LSAMP: variants seen among roughly 807,000 people sequenced by gnomAD.
LSAMP encodes the protein limbic system associated membrane protein.
LSAMP carries 7 observed loss-of-function variants against 38.6 expected under a neutral mutation model. The ratio of observed to expected loss-of-function variants is 0.18; its 90% CI spans 0.10 to 0.34. The LOEUF is 0.34. Among genes scored for constraint, LSAMP ranks in the 10% least tolerant of loss-of-function variants. The probability of loss-of-function intolerance (pLI) is 1.00; values close to 1 mark genes in which losing one functional copy is unlikely to be tolerated. For synonymous variants in LSAMP, 154 were observed against 166.8 expected, an observed-to-expected ratio of 0.92 and a Z score of 0.59; for missense variants, 313 against 420.0, an observed-to-expected ratio of 0.75 and a Z score of 2.23.
chr3:116,060,055 C>A (rs1941565099), intron 2 of LSAMP, among the ~76,000 whole-genome samples: 1 of 152,194 alleles, frequency 6.6e-6, no homozygotes, highest in South Asian at 2.1e-4. Context: ...TAGGAAAAGG[C>A]AAAGGCTTTC....
At chr3:116,021,394 A>G (rs1940633950) in intron 2 of LSAMP, among the ~76,000 whole-genome samples, 1 of 152,094 alleles carries the variant, frequency 6.6e-6, no homozygotes, top group African/African-American at 2.4e-5. Context: ...CTGGACTTAG[A>G]ATTCAGAGCT....
rs189584941 is a variant in LSAMP, at chr3:115,993,035, C to T, written c.514+26480G>A. 3.9e-5 allele frequency among the ~76,000 whole-genome samples: 6 copies of T among 152,210 alleles called. No individual in the cohort carries two copies. The East Asian group carries it at 9.6e-4, about 24-fold the overall frequency. On this transcript the variant is annotated intron_variant, in intron 3 of 6. Coordinates refer to ENST00000490035, the MANE Select transcript of LSAMP (RefSeq NM_002338.5). The stretch of plus-strand genomic sequence containing the variant: ...AGTTCGATATTGCATAGACATCTGG[C>T]TTCAAAGCTATGTATGCCTAAGTAG...
chr3:116,211,712 C>G (rs2107606977), intron 1 of LSAMP, among the ~76,000 whole-genome samples: 1 of 152,082 alleles, frequency 6.6e-6, no homozygotes, highest in South Asian at 2.1e-4. Flanking sequence ...ATTAGATATC[C>G]CATATTTGGG....
chr3:116,144,771 TAA>T (rs904320614), intron 1 of LSAMP, among the ~76,000 whole-genome samples: 1 of 151,944 alleles, frequency 6.6e-6, no homozygotes, highest in Non-Finnish European at 1.5e-5. Flanking sequence ...ATCTTACTTT[TAA>T]TTCAAATTTC....
At chr3:116,198,099 T>G (rs2045932279) in intron 1 of LSAMP, among the ~76,000 whole-genome samples, 1 of 152,100 alleles carries the variant, frequency 6.6e-6, no homozygotes, top group Non-Finnish European at 1.5e-5. Flanking sequence ...TGAGGAAAGA[T>G]GACGTTCAAA....
At chr3:116,024,091 C>T (rs1016994145) in intron 2 of LSAMP, among the ~76,000 whole-genome samples, 4 of 152,090 alleles carry the variant, frequency 2.6e-5, no homozygotes, top group Non-Finnish European at 5.9e-5. Context: ...AAATGCCGTG[C>T]TGTGTTCTCA....
chr3:116,342,335 C>T (rs148362238), intron 1 of LSAMP, among the ~76,000 whole-genome samples: 21 of 152,140 alleles, frequency 1.4e-4, no homozygotes, highest in African/African-American at 3.9e-4. Context: ...CCAGAATGCA[C>T]ATCAAATCTT....
intron 1 of LSAMP, among the ~76,000 whole-genome samples, chr3:116,226,667 G>T (rs1461551143): frequency 6.6e-6 from 1 of 152,196 alleles, no homozygotes; most frequent in East Asian, 1.9e-4. Context: ...CCCTTCAAGG[G>T]TTATTGTTCT....
rs1576318054 is a variant in LSAMP at position 116,028,437 on chromosome 3, T to A, written c.389-8797A>T. Among the ~76,000 whole-genome samples, 3 of 152,312 alleles carry A rather than the reference T, an allele frequency of 2.0e-5. No homozygotes were observed. In the East Asian group the frequency reaches 5.8e-4, roughly 29 times the overall value. ...GCAGAATATTCTCTGACATTTGCTT[T>A]TGAATCTCCGTCATCAGGCACTTTG... On this transcript the variant is annotated intron_variant, in intron 2 of 6. Coordinates refer to ENST00000490035, the MANE Select transcript of LSAMP (RefSeq NM_002338.5).
At chr3:115,957,354 G>T (rs1938485859) in intron 3 of LSAMP, among the ~76,000 whole-genome samples, 1 of 152,104 alleles carries the variant, frequency 6.6e-6, no homozygotes, top group Non-Finnish European at 1.5e-5. Flanking sequence ...ACTCTTATAA[G>T]CACGTTGTGG....
chr3:116,229,483 C>T (rs993918468), intron 1 of LSAMP, among the ~76,000 whole-genome samples: 1 of 152,074 alleles, frequency 6.6e-6, no homozygotes, highest in Admixed American at 6.5e-5. Context: ...TTAATTCAGT[C>T]GTTCGGAACT....
intron 1 of LSAMP, among the ~76,000 whole-genome samples, chr3:116,214,465 A>G (rs1318143832): frequency 6.6e-6 from 1 of 151,430 alleles, no homozygotes; most frequent in African/African-American, 2.4e-5. Context: ...TTCTGTTTAT[A>G]ATGTGAGCCC....
chr3:116,276,977 C>G (rs1341706084), intron 1 of LSAMP, among the ~76,000 whole-genome samples: 3 of 152,158 alleles, frequency 2.0e-5, no homozygotes, highest in African/African-American at 7.2e-5. Context: ...GTGGCAGATC[C>G]TGTCTGATTA....
intron 1 of LSAMP, among the ~76,000 whole-genome samples, chr3:116,133,020 CAA>C (rs1294220580): frequency 7.2e-5 from 11 of 152,080 alleles, no homozygotes; most frequent in Non-Finnish European, 1.3e-4. Flanking sequence ...ATCACTAAAC[CAA>C]AGTTTTGTGA....
At chr3:116,024,087 C>T (rs1247757644) in intron 2 of LSAMP, among the ~76,000 whole-genome samples, 8 of 152,090 alleles carry the variant, frequency 5.3e-5, no homozygotes, top group African/African-American at 1.7e-4. Context: ...GGTGAAATGC[C>T]GTGCTGTGTT....
intron 1 of LSAMP, among the ~76,000 whole-genome samples, chr3:116,141,404 G>A (rs1709365971): frequency 8.3e-6 from 1 of 120,152 alleles, no homozygotes; most frequent in African/African-American, 2.7e-5. Context: ...AGGTGAAAAT[G>A]TAATTATACC....
At chr3:115,998,702 C>A (rs1939899456) in intron 3 of LSAMP, among the ~76,000 whole-genome samples, 2 of 152,092 alleles carry the variant, frequency 1.3e-5, no homozygotes, top group African/African-American at 4.8e-5. Flanking sequence ...AGCTAAGTTT[C>A]TCGTTTTACT....
At chr3:116,438,124 G>A (rs1395586872) in intron 1 of LSAMP, among the ~76,000 whole-genome samples, 5 of 148,072 alleles carry the variant, frequency 3.4e-5, no homozygotes, top group African/African-American at 1.2e-4. Context: ...TATATCGTAA[G>A]ATACTTGTGA....
At chr3:116,332,236 CTG>C in intron 1 of LSAMP, among the ~76,000 whole-genome samples, 1 of 152,172 alleles carries the variant, frequency 6.6e-6, no homozygotes, top group East Asian at 1.9e-4. Flanking sequence ...TGGTTTATAA[CTG>C]TACATTTTAT....
Sources: gnomAD v4.1 joint callset for allele counts (sites outside exome capture counted in the v4.1 genomes callset) on GRCh38, gnomAD v4.1.1 for gene constraint, MANE v1.5 for transcripts, NCBI Gene and HGNC (gene_info 2026-07-23, HGNC 2026-07-21) for gene names.